PKNOX2: variants seen among roughly 807,000 people sequenced by gnomAD.
PKNOX2 encodes the protein PBX/knotted 1 homeobox 2.
A neutral mutation model predicts 53.1 loss-of-function variants in PKNOX2; 14 were observed. The observed-to-expected ratio is 0.26, with a 90% CI of 0.17 to 0.41. The LOEUF (loss-of-function observed/expected upper bound fraction) is 0.41, where lower values mean the gene tolerates loss of function less well. PKNOX2 is among the 10% of genes least tolerant of loss of function. The pLI is 1.00. For synonymous variants in PKNOX2, 257 were observed against 242.8 expected (o/e 1.06, Z -0.54); for missense variants, 496 against 602.8 (o/e 0.82, Z 1.85).
intron 4 of PKNOX2, among the ~76,000 whole-genome samples, chr11:125,355,507 G>A (rs1382787134): frequency 1.3e-5 from 2 of 152,086 alleles, no homozygotes; most frequent in African/African-American, 4.8e-5. Context: ...CTGGGGTAGT[G>A]GAATTCTACA....
At chr11:125,177,058 G>T (rs1214607612) in intron 1 of PKNOX2, among the ~76,000 whole-genome samples, 3 of 152,218 alleles carry the variant, frequency 2.0e-5, no homozygotes, top group Non-Finnish European at 4.4e-5. Flanking sequence ...GTGGGCAGCA[G>T]CTGTGACGGG....
intron 3 of PKNOX2, among the ~76,000 whole-genome samples, chr11:125,333,793 C>G (rs1164384670): frequency 2.0e-5 from 3 of 152,142 alleles, no homozygotes; most frequent in Non-Finnish European, 4.4e-5. Context: ...CTTACATAAT[C>G]CACCCCCTTT....
chr11:125,325,613 T>G (rs953623592), intron 2 of PKNOX2, among the ~76,000 whole-genome samples: 1 of 152,244 alleles, frequency 6.6e-6, no homozygotes, highest in African/African-American at 2.4e-5. Context: ...TCATCATTTA[T>G]GAAAGACTCA....
intron 1 of PKNOX2, among the ~76,000 whole-genome samples, chr11:125,169,776 G>A (rs1182982649): frequency 6.6e-6 from 1 of 152,266 alleles, no homozygotes; most frequent in South Asian, 2.1e-4. Flanking sequence ...CTGGCTCCAG[G>A]GCCTTCCCCA....
intron 1 of PKNOX2, among the ~76,000 whole-genome samples, chr11:125,177,735 G>A (rs1368667826): frequency 6.6e-6 from 1 of 152,206 alleles, no homozygotes; most frequent in Non-Finnish European, 1.5e-5. Flanking sequence ...AGGAGTGCAA[G>A]CAGGGAAGGC....
intron 4 of PKNOX2, among the ~76,000 whole-genome samples, chr11:125,363,080 AG>A (rs1952008390): frequency 1.3e-5 from 2 of 152,162 alleles, no homozygotes. Context: ...CATCTACGAG[AG>A]GGACGTGCAT....
chr11:125,345,597 C>G (rs1950928012), intron 3 of PKNOX2, among the ~76,000 whole-genome samples: 1 of 152,136 alleles, frequency 6.6e-6, no homozygotes, highest in Non-Finnish European at 1.5e-5. Context: ...TAGATAAATC[C>G]ACAGAGTCAC....
chr11:125,175,308 G>A (rs1955637113), intron 1 of PKNOX2, among the ~76,000 whole-genome samples: 1 of 152,236 alleles, frequency 6.6e-6, no homozygotes, highest in Admixed American at 6.5e-5. Context: ...GAGCACCATT[G>A]GCTGCTGGCA....
intron 10 of PKNOX2, among the ~76,000 whole-genome samples, chr11:125,428,803 C>T (rs1405686769): frequency 3.9e-5 from 6 of 152,306 alleles, no homozygotes; most frequent in South Asian, 2.1e-4. Flanking sequence ...CTGGCCAGCC[C>T]GGGATGTGGA....
chr11:125,322,218 G>A (rs1000085058), intron 2 of PKNOX2, among the ~76,000 whole-genome samples: 5 of 151,548 alleles, frequency 3.3e-5, no homozygotes, highest in African/African-American at 4.9e-5. Context: ...AAAAAAAAAC[G>A]TATATATATG....
intron 2 of PKNOX2, among the ~76,000 whole-genome samples, chr11:125,241,804 G>C (rs1449400624): frequency 6.6e-6 from 1 of 152,180 alleles, no homozygotes; most frequent in Non-Finnish European, 1.5e-5. Flanking sequence ...GCAGTGAGCT[G>C]AGATCATGCC....
chr11:125,389,564 G>A (rs528695875), intron 6 of PKNOX2, among the ~76,000 whole-genome samples: 35 of 152,252 alleles, frequency 2.3e-4, no homozygotes, highest in Admixed American at 1.2e-3. Context: ...TCACCAGGAC[G>A]ATTCCTAAGC....
intron 7 of PKNOX2, among the ~76,000 whole-genome samples, chr11:125,399,788 G>A (rs1053098010): frequency 6.6e-6 from 1 of 152,190 alleles, no homozygotes; most frequent in Non-Finnish European, 1.5e-5. Context: ...GGAGCTGGGG[G>A]TGCACCAGGG....
chr11:125,277,297 G>A (rs886484857), intron 2 of PKNOX2, among the ~76,000 whole-genome samples: 1 of 152,228 alleles, frequency 6.6e-6, no homozygotes, highest in Middle Eastern at 3.2e-3. Context: ...CAGCCAGCTA[G>A]AGGCCAGAGT....
At chr11:125,257,263 G>A (rs1339365550) in intron 2 of PKNOX2, among the ~76,000 whole-genome samples, 4 of 152,102 alleles carry the variant, frequency 2.6e-5, no homozygotes, top group Non-Finnish European at 5.9e-5. Flanking sequence ...CGCTGTCCCC[G>A]GCTGGCTCAC....
intron 4 of PKNOX2, among the ~76,000 whole-genome samples, chr11:125,362,576 G>A (rs1951983443): frequency 6.6e-6 from 1 of 152,092 alleles, no homozygotes; most frequent in African/African-American, 2.4e-5. Flanking sequence ...TTGTTTTGTT[G>A]TCCAGGCTGG....
At chr11:125,227,916 A>G (rs1047765538) in intron 1 of PKNOX2, among the ~76,000 whole-genome samples, 2 of 152,132 alleles carry the variant, frequency 1.3e-5, no homozygotes, top group Non-Finnish European at 2.9e-5. Flanking sequence ...AGCCACAGAG[A>G]ACAGAAGAGA....
At chr11:125,325,017 T>C (rs1949751220) in intron 2 of PKNOX2, among the ~76,000 whole-genome samples, 1 of 152,206 alleles carries the variant, frequency 6.6e-6, no homozygotes, top group Non-Finnish European at 1.5e-5. Flanking sequence ...CTGATGGGGC[T>C]GAAGGTTCCC....
chr11:125,316,396 C>A (rs890807172), intron 2 of PKNOX2, among the ~76,000 whole-genome samples: 3 of 152,098 alleles, frequency 2.0e-5, no homozygotes, highest in African/African-American at 7.2e-5. Context: ...GAATTTAATC[C>A]CTAGCTTCAT....
Sources: gnomAD v4.1 joint callset for allele counts (sites outside exome capture counted in the v4.1 genomes callset) on GRCh38, gnomAD v4.1.1 for gene constraint, MANE v1.5 for transcripts, NCBI Gene and HGNC (gene_info 2026-07-23, HGNC 2026-07-21) for gene names.